The following ITPR3 variants were observed in gnomAD, a reference collection of about 807,000 sequenced individuals.
ITPR3 encodes inositol 1,4,5-trisphosphate-gated calcium channel ITPR3.
A neutral mutation model predicts 293.2 loss-of-function variants in ITPR3; 173 were observed. That is an observed-to-expected ratio of 0.59 (90% CI 0.52 to 0.67). The LOEUF (loss-of-function observed/expected upper bound fraction) is 0.67. Ranked by LOEUF, ITPR3 falls within the 30% of genes least tolerant of loss-of-function variation. ITPR3 has a pLI of 0.00. For synonymous variants in ITPR3, 1,295 were observed against 1,444.4 expected (o/e 0.90, Z 2.35); for missense variants, 2,796 against 3,592.1 (o/e 0.78, Z 5.66).
chr6:33,623,577 C>T (rs1220930605), intron 1 of ITPR3, among the ~76,000 whole-genome samples: 3 of 151,992 alleles, frequency 2.0e-5, no homozygotes, highest in Admixed American at 6.6e-5. Context: ...ATCCGCCCAC[C>T]CCAGCCTTCC....
At position 33,692,747 on chromosome 6, in the gene ITPR3, G is replaced by C. The variant is rs374113571; in HGVS notation, c.7478G>C (p.Arg2493Pro). ...CTGCAGGAGTCTCTCTTCCCAGCCC[G>C]AGTGGTCTATGACCTCCTGTTCTTC... ...PSKDESLFPA[R>P]VVYDLLFFFI... Residue 2493 changes from arginine to proline, a missense_variant, in exon 55 of 58, where the codon CGA becomes CCA. Physicochemically the swap from Arg to Pro is moderately radical, Grantham distance 103. This residue lies in a region of ITPR3 where 568 missense variants were observed against 796.1 expected (regional missense o/e 0.71). Coordinates refer to ENST00000605930, the MANE Select transcript of ITPR3 (RefSeq NM_002224.4). This position sits in a 1 kb window ranked among gnomAD's most constrained non-coding sequence, Gnocchi z 4.2. 1.2e-6 allele frequency: 2 copies of C among 1,613,926 alleles called. No homozygotes were observed. Among genetic ancestry groups the C allele is most frequent in the African/African-American group, 1.3e-5 (1 of 74,870 alleles).
At chr6:33,694,872 GC>G in intron 56 of ITPR3, 51 bp from the exon 57 acceptor site, 1 of 1,610,440 alleles carries the variant, frequency 6.2e-7, no homozygotes, top group Admixed American at 1.7e-5. Flanking sequence ...TCTAAATGAG[GC>G]CTTTCTAGGC....
intron 20 of ITPR3, 129 bp from the exon 21 acceptor site, chr6:33,671,036 C>A: frequency 6.8e-7 from 1 of 1,473,178 alleles, no homozygotes; most frequent in Non-Finnish European, 9.2e-7. Context: ...CTCCGCTCTC[C>A]CTCCTGGGAA....
Position 33,658,129 on chromosome 6 carries a change from G to T in ITPR3, c.369+111G>T. 1.1e-6 allele frequency: 1 copy of T among 911,034 alleles called. No individual in the cohort carries two copies. The highest frequency in any genetic ancestry group is 1.8e-6 in the Non-Finnish European group (1 of 570,506). 56.4% of individuals were successfully genotyped at this position (911,034 alleles called of 1,614,324 possible). A position where few individuals can be genotyped will look rare whatever the true frequency, so the allele number is the denominator to read the frequency against. ...TTGCCCTCTGTGCATGTGTGTCCCC[G>T]GGTGAATGAGTGGCCCTGGGGCCAC... On this transcript the variant is annotated intron_variant, in intron 4 of 57. Coordinates refer to ENST00000605930, the MANE Select transcript of ITPR3 (RefSeq NM_002224.4). The surrounding 1 kb of genome is among the most constrained non-coding windows in gnomAD (Gnocchi z 6.1).
Position 33,675,922 on chromosome 6 carries a change from CGAT to C in ITPR3, c.3282+70_3282+72del, listed in dbSNP as rs1764895857. The C allele has an allele frequency of 2.7e-6, 4 of 1,456,922 alleles. No homozygotes were observed. The highest frequency in any genetic ancestry group is 3.6e-6 in the Non-Finnish European group (4 of 1,097,650). 90.2% of individuals were successfully genotyped at this position (1,456,922 alleles called of 1,614,324 possible). A position where few individuals can be genotyped will look rare whatever the true frequency, so the allele number is the denominator to read the frequency against. On this transcript the variant is annotated intron_variant, in intron 25 of 57. Coordinates refer to ENST00000605930, the MANE Select transcript of ITPR3 (RefSeq NM_002224.4). This position sits in a 1 kb window ranked among gnomAD's most constrained non-coding sequence, Gnocchi z 5.0. ...GCACCAGGCACGGGGGGACAGTAAA[CGAT>C]GATTGAGGAGCTCACAGCTCAAGGG...
Position 33,658,142 on chromosome 6 carries a change from G to T in ITPR3, c.369+124G>T. ...ATGTGTGTCCCCGGGTGAATGAGTG[G>T]CCCTGGGGCCACCTGTGTGGCTGTG... On this transcript the variant is annotated intron_variant, in intron 4 of 57. Transcript: ENST00000605930. The surrounding 1 kb of genome is among the most constrained non-coding windows in gnomAD (Gnocchi z 6.1). The T allele has an allele frequency of 1.3e-6, 1 of 785,376 alleles. No individual in the cohort carries two copies. The highest frequency in any genetic ancestry group is 1.5e-5 in the South Asian group (1 of 66,132). 48.7% of individuals were successfully genotyped at this position (785,376 alleles called of 1,614,324 possible).
intron 21 of ITPR3, 57 bp from the exon 22 acceptor site, chr6:33,671,972 C>T: frequency 6.8e-7 from 1 of 1,477,154 alleles, no homozygotes; most frequent in South Asian, 1.3e-5. Context: ...GACCAGGGAC[C>T]CCTGTGTACA....
rs750024187 is a variant in ITPR3 at position 33,677,530 on chromosome 6, C to T, written c.3549C>T (p.Cys1183=). Residue 1183 remains cysteine, a synonymous_variant, in exon 28 of 58, where the codon TGC becomes TGT. Transcript: ENST00000605930. The part of the protein sequence containing the change: ...KGILERLNKM[C]GVGEQMRKKQ... The stretch of plus-strand genomic sequence containing the variant: ...TCCTGGAAAGGCTGAACAAGATGTG[C>T]GGGGTTGGGGAGCAAATGAGGAAGA... 12 of 1,613,898 alleles carry T rather than the reference C, an allele frequency of 7.4e-6. No homozygotes were observed. The highest frequency in any genetic ancestry group is 4.5e-5 in the East Asian group (2 of 44,868).
chr6:33,628,240 T>TG (rs1261275175), intron 1 of ITPR3, among the ~76,000 whole-genome samples: 1 of 152,126 alleles, frequency 6.6e-6, no homozygotes, highest in African/African-American at 2.4e-5. Context: ...TCACCCCATG[T>TG]GGGGCTGGGA....
Position 33,692,077 on chromosome 6 carries a change from C to T in ITPR3, c.7458+149C>T. The T allele has an allele frequency of 2.0e-6, 2 of 1,017,200 alleles. No homozygotes were observed. Among genetic ancestry groups the T allele is most frequent in the South Asian group, 2.9e-5 (2 of 69,484 alleles). The allele number at this position is 1,017,200 out of a possible 1,614,324, so 63.0% of individuals were successfully genotyped here. A position where few individuals can be genotyped will look rare whatever the true frequency, so the allele number is the denominator to read the frequency against. On this transcript the variant is annotated intron_variant, in intron 54 of 57. Transcript: ENST00000605930. The surrounding 1 kb of genome is among the most constrained non-coding windows in gnomAD (Gnocchi z 4.2). ...TGTATCCACTTTTCCCTGCTTTCCA[C>T]ACCTGGCCAATTCCATGATATTACT...
Position 33,683,935 on chromosome 6 carries a change from C to T in ITPR3, c.4789-85C>T. 3 of 1,462,396 alleles carry T rather than the reference C, an allele frequency of 2.1e-6. No homozygotes were observed. Among genetic ancestry groups the T allele is most frequent in the Non-Finnish European group, 2.8e-6 (3 of 1,082,844 alleles). 90.6% of individuals were successfully genotyped at this position (1,462,396 alleles called of 1,614,324 possible). A position where few individuals can be genotyped will look rare whatever the true frequency, so the allele number is the denominator to read the frequency against. On this transcript the variant is annotated intron_variant, in intron 35 of 57. Transcript: ENST00000605930. The surrounding 1 kb of genome is among the most constrained non-coding windows in gnomAD (Gnocchi z 4.5). ...GACAGAGGCAGGGCAATCTGTGGGGCTGTTTGGCGTTTGGGTCGGAGGAAT... is the reference window on the plus strand; with the variant it reads ...GACAGAGGCAGGGCAATCTGTGGGGTTGTTTGGCGTTTGGGTCGGAGGAAT...
Position 33,675,578 on chromosome 6 carries a change from G to A in ITPR3, c.3117-113G>A, listed in dbSNP as rs1351953016. ...TTTTAAACACATTTAGACTGGCCCT[G>A]CATCTGCTAATTGGGTGGCGGAGAG... On this transcript the variant is annotated intron_variant, in intron 24 of 57. Transcript: ENST00000605930. The surrounding 1 kb of genome is among the most constrained non-coding windows in gnomAD (Gnocchi z 5.0). 1 of 1,163,728 alleles carries A rather than the reference G, an allele frequency of 8.6e-7. No individual in the cohort carries two copies. 72.1% of individuals were successfully genotyped at this position (1,163,728 alleles called of 1,614,324 possible).
At chr6:33,646,752 T>A (rs376271635) in intron 2 of ITPR3, among the ~76,000 whole-genome samples, 4 of 151,986 alleles carry the variant, frequency 2.6e-5, no homozygotes, top group African/African-American at 9.7e-5. Flanking sequence ...ACCCCGTCCC[T>A]ACAAAAATAC....
In ITPR3 at chr6:33,683,811, A is replaced by G. The variant is rs963830637; in HGVS notation, c.4789-209A>G. Among the ~76,000 whole-genome samples, 1 of 152,150 alleles carries G rather than the reference A, an allele frequency of 6.6e-6. No individual in the cohort carries two copies. Among genetic ancestry groups the G allele is most frequent in the African/African-American group, 2.4e-5 (1 of 41,438 alleles). On this transcript the variant is annotated intron_variant, in intron 35 of 57. Coordinates refer to ENST00000605930, the MANE Select transcript of ITPR3 (RefSeq NM_002224.4). The surrounding 1 kb of genome is among the most constrained non-coding windows in gnomAD (Gnocchi z 4.5). ...AAGGGGTTTGCCCAAGGTCACACAG[A>G]GCTGGGAGAGAAGCCAGGCTTGGCA...
intron 16 of ITPR3, among the ~76,000 whole-genome samples, chr6:33,668,170 G>A (rs892787385): frequency 6.6e-6 from 1 of 152,194 alleles, no homozygotes; most frequent in African/African-American, 2.4e-5. Context: ...GGCAACAATG[G>A]GAATGACTCC....
chr6:33,684,884 T>C lies in ITPR3; in HGVS notation c.5248T>C (p.Phe1750Leu), dbSNP rs1765182816. Residue 1750 changes from phenylalanine to leucine, a missense_variant, in exon 39 of 58, where the codon TTC (phenylalanine) becomes CTC (leucine). By Grantham distance (22) the Phe-to-Leu change is conservative (BLOSUM62 0). Coordinates refer to ENST00000605930, the MANE Select transcript of ITPR3 (RefSeq NM_002224.4). This position sits in a 1 kb window ranked among gnomAD's most constrained non-coding sequence, Gnocchi z 4.2. Reference protein sequence around the residue: ...LITSTKNEKIFQESIGLAIHL... With the variant: ...LITSTKNEKILQESIGLAIHL... The stretch of plus-strand genomic sequence containing the variant: ...CACCAGCACCAAGAACGAGAAGATC[T>C]TCCAGGAGAGCATCGGCCTGGCCAT... The C allele has an allele frequency of 5.0e-6, 8 of 1,614,020 alleles. No individual in the cohort carries two copies. In the East Asian group the frequency reaches 1.8e-4, roughly 36 times the overall value.
intron 7 of ITPR3, among the ~76,000 whole-genome samples, chr6:33,661,992 GAAA>G (rs55958712): frequency 0.012 from 554 of 47,138 alleles, 6 homozygotes; most frequent in African/African-American, 0.032. Context: ...GACTGTCTCT[GAAA>G]AAAAAAAAAA....
intron 7 of ITPR3, 82 bp downstream of exon 7, chr6:33,659,631 C>G: frequency 8.2e-7 from 1 of 1,213,800 alleles, no homozygotes; most frequent in Non-Finnish European, 1.2e-6. Flanking sequence ...TCTCCACCCG[C>G]CAGGCCTCAG....
chr6:33,645,984 C>T lies in ITPR3; in HGVS notation c.160+5430C>T, dbSNP rs558603718. Among the ~76,000 whole-genome samples the T allele has an allele frequency of 1.4e-4, 21 of 152,140 alleles. No homozygotes were observed. In the East Asian group the frequency reaches 4.1e-3, roughly 29 times the overall value. On this transcript the variant is annotated intron_variant, in intron 2 of 57. Transcript: ENST00000605930. ...TCCTGAGTAGCTGGGATTACAGGCA[C>T]GTGCCACCACACCTGGCTAATTTTT...
Sources: gnomAD v4.1 joint callset for allele counts (sites outside exome capture counted in the v4.1 genomes callset) on GRCh38, gnomAD v4.1.1 for gene constraint, gnomAD v4.1.1 regional missense constraint, Gnocchi (gnomAD v3.1) non-coding constraint, MANE v1.5 for transcripts, NCBI Gene and HGNC (gene_info 2026-07-23, HGNC 2026-07-21) for gene names.